The following CNBD1 variants were observed in gnomAD, a reference collection of about 807,000 sequenced individuals.
CNBD1 encodes the protein cyclic nucleotide binding domain containing 1.
CNBD1 carries 71 observed loss-of-function variants against 54.4 expected under a neutral mutation model. That is an observed-to-expected ratio of 1.30 (90% CI 1.08 to 1.59). CNBD1 has a LOEUF of 1.59. Among genes scored for constraint, CNBD1 ranks in the 40% most tolerant of loss-of-function variants. CNBD1 has a pLI of 0.00. For missense variants in CNBD1, 659 were observed against 518.0 expected (o/e 1.27, Z -2.64); for synonymous variants, 182 against 170.7 (o/e 1.07, Z -0.51).
intron 10 of CNBD1, among the ~76,000 whole-genome samples, chr8:87,369,314 G>C (rs1446962472): frequency 6.6e-6 from 1 of 151,916 alleles, no homozygotes; most frequent in Non-Finnish European, 1.5e-5. Context: ...CATGCTGTTT[G>C]AGTCATCTAT....
At chr8:87,380,780 T>A (rs1200857867) in intron 10 of CNBD1, among the ~76,000 whole-genome samples, 1 of 152,006 alleles carries the variant, frequency 6.6e-6, no homozygotes, top group Non-Finnish European at 1.5e-5. Flanking sequence ...AGGACTGTTG[T>A]AAATGGGGTT....
intron 10 of CNBD1, among the ~76,000 whole-genome samples, chr8:87,358,139 T>A (rs774537198): frequency 9.9e-5 from 15 of 152,126 alleles, no homozygotes; most frequent in Non-Finnish European, 7.4e-5. Flanking sequence ...GAACTATCAG[T>A]CAAATAAACC....
At chr8:87,363,951 T>C (rs554949809) in intron 10 of CNBD1, among the ~76,000 whole-genome samples, 51 of 147,808 alleles carry the variant, frequency 3.5e-4, no homozygotes, top group African/African-American at 1.2e-3. Context: ...CTGAATGGTA[T>C]TGCCTAGGAA....
At chr8:87,304,228 A>G (rs1337795045) in intron 8 of CNBD1, among the ~76,000 whole-genome samples, 2 of 151,908 alleles carry the variant, frequency 1.3e-5, no homozygotes, top group East Asian at 3.9e-4. Flanking sequence ...AAAGACTTGG[A>G]ACAAACCCAA....
At chr8:86,962,533 CCCAG>C (rs1807957381) in intron 4 of CNBD1, among the ~76,000 whole-genome samples, 1 of 152,108 alleles carries the variant, frequency 6.6e-6, no homozygotes, top group Non-Finnish European at 1.5e-5. Context: ...CACCTGTAAT[CCCAG>C]CACTTTGGGA....
intron 6 of CNBD1, among the ~76,000 whole-genome samples, chr8:87,257,075 A>T (rs10097963): frequency 0.32 from 48,706 of 151,990 alleles, 8,593 homozygotes; most frequent in Non-Finnish European, 0.4. Flanking sequence ...ACATTCATTG[A>T]AAATGACAAT....
At chr8:87,352,075 G>T (rs925712030) in intron 9 of CNBD1, among the ~76,000 whole-genome samples, 1 of 152,230 alleles carries the variant, frequency 6.6e-6, no homozygotes, top group South Asian at 2.1e-4. Flanking sequence ...ACCATAGCCA[G>T]GTACTACTAC....
rs1808996594 is a variant in CNBD1, at chr8:86,905,086, G to A, written c.164G>A (p.Ser55Asn). 1.3e-6 allele frequency: 2 copies of A among 1,596,996 alleles called. No individual in the cohort carries two copies. The highest frequency in any genetic ancestry group is 8.6e-7 in the Non-Finnish European group (1 of 1,166,938). The change falls in exon 3 of 11, where the codon AGT (serine) becomes AAT (asparagine). Residue 55 changes from serine (S) to asparagine (N), a missense_variant. Ser to Asn is a conservative substitution (Grantham distance 46). Coordinates refer to ENST00000518476, the MANE Select transcript of CNBD1 (RefSeq NM_173538.3). ...LCHIRGQHSRSMSNILSAHDT... is the reference protein window; with the variant it reads ...LCHIRGQHSRNMSNILSAHDT... The stretch of plus-strand genomic sequence containing the variant: ...ATTTCTCTCTTCTTTTTAAGCCGGA[G>A]TATGAGCAATATCTTATCAGCTCAC...
intron 5 of CNBD1, among the ~76,000 whole-genome samples, chr8:87,221,542 G>C (rs186323440): frequency 2.6e-5 from 4 of 152,002 alleles, no homozygotes; most frequent in Admixed American, 2.0e-4. Context: ...CATCATAAAT[G>C]CTTCTTTTTC....
chr8:87,253,585 G>A (rs1422548166), intron 6 of CNBD1, among the ~76,000 whole-genome samples: 1 of 152,138 alleles, frequency 6.6e-6, no homozygotes, highest in Non-Finnish European at 1.5e-5. Context: ...GTACCCAAGT[G>A]CCATGTGGTA....
chr8:87,172,921 G>C (rs1245745467), intron 4 of CNBD1, among the ~76,000 whole-genome samples: 1 of 151,688 alleles, frequency 6.6e-6, no homozygotes, highest in Non-Finnish European at 1.5e-5. Flanking sequence ...TTTGTTATTT[G>C]TTTTCCGGTT....
At chr8:87,405,729 T>C (rs1807641003) in intron 2 of CNBD1, among the ~76,000 whole-genome samples, 2 of 152,280 alleles carry the variant, frequency 1.3e-5, no homozygotes, top group Admixed American at 6.5e-5. Context: ...TTCTTTGGCA[T>C]GAAATGTGAC....
At chr8:87,033,762 T>TG (rs143816322) in intron 4 of CNBD1, among the ~76,000 whole-genome samples, 4,561 of 152,306 alleles carry the variant, frequency 0.03, 235 homozygotes, top group African/African-American at 0.1. Context: ...TAATGGCTTC[T>TG]GGAATTTGTC....
At chr8:87,141,275 T>C (rs1208977941) in intron 4 of CNBD1, among the ~76,000 whole-genome samples, 54 of 152,164 alleles carry the variant, frequency 3.5e-4, no homozygotes, top group Admixed American at 3.5e-3. Flanking sequence ...AGTGATATGA[T>C]GTAGAAATCA....
In CNBD1 at chr8:87,023,807, T is replaced by A. The variant is rs1809539318; in HGVS notation, c.431+84053T>A. On this transcript the variant is annotated intron_variant, in intron 4 of 10. Coordinates refer to ENST00000518476, the MANE Select transcript of CNBD1 (RefSeq NM_173538.3). ...GCTTTATCATTTTAAAAGTTTGTTC[T>A]GACTTCTTAGAAAGTGTTATTTGAG... Among the ~76,000 whole-genome samples the A allele has an allele frequency of 3.3e-5, 5 of 152,372 alleles. No individual in the cohort carries two copies. In the South Asian group the frequency reaches 1.0e-3, roughly 32 times the overall value.
At chr8:87,291,994 CTT>C (rs1808795375) in intron 8 of CNBD1, among the ~76,000 whole-genome samples, 1 of 152,146 alleles carries the variant, frequency 6.6e-6, no homozygotes, top group African/African-American at 2.4e-5. Flanking sequence ...AAAGTTATGA[CTT>C]TTTTCTTCCA....
intron 2 of CNBD1, among the ~76,000 whole-genome samples, chr8:87,400,510 G>A (rs1807537658): frequency 6.6e-6 from 1 of 151,938 alleles, no homozygotes; most frequent in Non-Finnish European, 1.5e-5. Context: ...ATGTGGCAGT[G>A]TGTTGATCAA....
intron 3 of CNBD1, among the ~76,000 whole-genome samples, chr8:86,912,603 A>G (rs1349625016): frequency 3.9e-5 from 6 of 152,240 alleles, no homozygotes; most frequent in Non-Finnish European, 5.9e-5. Context: ...ACACACAATT[A>G]TGTATAGTAC....
chr8:86,913,524 G>A (rs898361014), intron 3 of CNBD1, among the ~76,000 whole-genome samples: 2 of 152,090 alleles, frequency 1.3e-5, no homozygotes, highest in Non-Finnish European at 2.9e-5. Context: ...TGGGTGTCTG[G>A]GGGAGACATC....
Sources: allele counts gnomAD v4.1 joint callset (sites outside exome capture counted in the v4.1 genomes callset), GRCh38; gene constraint gnomAD v4.1.1; transcripts MANE v1.5; gene names NCBI Gene and HGNC (gene_info 2026-07-23, HGNC 2026-07-21).